Variants in MAP3K15 observed in about 807,000 individuals in gnomAD.
MAP3K15 encodes MAPK/ERK kinase kinase 15.
A neutral mutation model predicts 99.5 loss-of-function variants in MAP3K15; 124 were observed. That is an observed-to-expected ratio of 1.25 (90% CI 1.08 to 1.45). The LOEUF (loss-of-function observed/expected upper bound fraction) is 1.45, where lower values mean the gene tolerates loss of function less well. Among genes scored for constraint, MAP3K15 ranks in the 40% most tolerant of loss-of-function variants. The pLI, the probability that MAP3K15 is intolerant of heterozygous loss-of-function variation, is 0.00. For synonymous variants in MAP3K15, 494 were observed against 439.6 expected, an observed-to-expected ratio of 1.12 and a Z score of -1.55; for missense variants, 1,242 against 1,079.7, an observed-to-expected ratio of 1.15 and a Z score of -2.11.
chrX:19,368,068 A>G (rs1038171345), intron 25 of MAP3K15, among the ~76,000 whole-genome samples: 1 of 110,129 alleles, frequency 9.1e-6, no homozygotes, highest in African/African-American at 3.3e-5. Flanking sequence ...ACTTTTAAAA[A>G]CCAAATCACG....
At chrX:19,398,625 T>G (rs1468861718) in intron 14 of MAP3K15, among the ~76,000 whole-genome samples, 1 of 111,750 alleles carries the variant, frequency 8.9e-6, no homozygotes, top group Non-Finnish European at 1.9e-5. Context: ...TGGCTCACCT[T>G]TTGGAAATTC....
chrX:19,379,893 C>T (rs2063446371), intron 19 of MAP3K15, among the ~76,000 whole-genome samples: 1 of 110,799 alleles, frequency 9.0e-6, no homozygotes, highest in Non-Finnish European at 1.9e-5. Flanking sequence ...ACAGATGTCA[C>T]GGGTTGTGTC....
intron 9 of MAP3K15, among the ~76,000 whole-genome samples, chrX:19,420,761 G>T (rs1373582860): frequency 8.9e-6 from 1 of 111,856 alleles, no homozygotes; most frequent in African/African-American, 3.3e-5. Flanking sequence ...TATCCTTGAT[G>T]AACATCAATG....
intron 10 of MAP3K15, among the ~76,000 whole-genome samples, chrX:19,414,871 T>G (rs1398919111): frequency 1.8e-5 from 2 of 111,909 alleles, no homozygotes; most frequent in Non-Finnish European, 3.8e-5. Context: ...CATTACCAGA[T>G]GTACCTTAGG....
intron 6 of MAP3K15, among the ~76,000 whole-genome samples, chrX:19,439,542 C>T (rs2063945187): frequency 1.8e-5 from 2 of 111,539 alleles, no homozygotes; most frequent in South Asian, 7.6e-4. Context: ...CATAGCTCAA[C>T]CACAGCCTTC....
At position 19,454,148 on chromosome X, in the gene MAP3K15, C is replaced by T. The variant is rs755628663; in HGVS notation, c.995+2765G>A. On this transcript the variant is annotated intron_variant, in intron 6 of 28. Coordinates refer to ENST00000338883, the MANE Select transcript of MAP3K15 (RefSeq NM_001001671.4). The stretch of plus-strand genomic sequence containing the variant: ...AGTCAGTGCGTCACACATCCAACTG[C>T]CCTGCCACTTGCTGAGTAATTCAAA... Among the ~76,000 whole-genome samples the T allele has an allele frequency of 5.4e-5, 6 of 111,947 alleles. No individual in the cohort carries two copies. The South Asian group carries it at 2.3e-3, about 42-fold the overall frequency.
chrX:19,491,820 A>C (rs978880100), intron 1 of MAP3K15, among the ~76,000 whole-genome samples: 3 of 110,167 alleles, frequency 2.7e-5, no homozygotes, highest in Non-Finnish European at 5.7e-5. Flanking sequence ...AGTAGCTGGG[A>C]CTACAGGCAT....
chrX:19,445,806 G>A (rs1265249252), intron 6 of MAP3K15, among the ~76,000 whole-genome samples: 2 of 107,989 alleles, frequency 1.9e-5, no homozygotes, highest in African/African-American at 6.7e-5. Context: ...AATTAGCCAG[G>A]CGTGGTGTCA....
chrX:19,444,743 A>G lies in MAP3K15; in HGVS notation c.995+12170T>C, dbSNP rs114352403. Among the ~76,000 whole-genome samples the G allele has an allele frequency of 4.2e-3, 475 of 112,075 alleles. 3 individuals carry two copies. Among genetic ancestry groups the G allele is most frequent in the African/African-American group, 0.014 (423 of 30,853 alleles). ...AGGAAGACTCAGAAGCTCCTCAGAA[A>G]TTGATATTTCAAGAAAAACAGTTGA... On this transcript the variant is annotated intron_variant, in intron 6 of 28. Coordinates refer to ENST00000338883, the MANE Select transcript of MAP3K15 (RefSeq NM_001001671.4).
rs139189420 is a variant in MAP3K15, at chrX:19,435,838, C to T, written c.996-4230G>A. Among the ~76,000 whole-genome samples, 166 of 112,434 alleles carry T rather than the reference C, an allele frequency of 1.5e-3. 1 individual carries two copies. The highest frequency in any genetic ancestry group is 4.7e-3 in the African/African-American group (147 of 31,034). ...AGAGAAGGAAACTTTGACAGTGGGTCTGAATCTTGGCTGCATATTAGAATC... is the reference window on the plus strand; with the variant it reads ...AGAGAAGGAAACTTTGACAGTGGGTTTGAATCTTGGCTGCATATTAGAATC... On this transcript the variant is annotated intron_variant, in intron 6 of 28. Coordinates refer to ENST00000338883, the MANE Select transcript of MAP3K15 (RefSeq NM_001001671.4).
chrX:19,486,180 C>T (rs763536383), intron 3 of MAP3K15, among the ~76,000 whole-genome samples: 6 of 111,558 alleles, frequency 5.4e-5, no homozygotes, highest in African/African-American at 3.3e-5. Context: ...CATGGAACAT[C>T]GACCCAGATC....
intron 4 of MAP3K15, among the ~76,000 whole-genome samples, chrX:19,462,842 C>G (rs140666741): frequency 2.7e-5 from 3 of 112,228 alleles, no homozygotes; most frequent in African/African-American, 9.7e-5. Context: ...ACCACTTCCC[C>G]TCCTACTAAC....
intron 4 of MAP3K15, among the ~76,000 whole-genome samples, chrX:19,463,995 A>G (rs779708057): frequency 9.0e-6 from 1 of 111,391 alleles, no homozygotes; most frequent in South Asian, 3.8e-4. Context: ...GTCAAGATCA[A>G]ACAGGGAGTC....
chrX:19,380,145 C>T lies in MAP3K15; in HGVS notation c.2564G>A (p.Gly855Asp), dbSNP rs759141823. Residue 855 changes from glycine (G) to aspartate (D), a missense_variant, in exon 19 of 29, where the codon GGT (glycine) becomes GAT (aspartate). Physicochemically the swap from Gly to Asp is moderately conservative, Grantham distance 94 (BLOSUM62 -1). Transcript: ENST00000338883. ...TTTGAACATGGCTGCCTGCGGCTCA[C>T]CAAGCTCATGGAACGGAGGCTTGCT... ...ATSKPPFHEL[G>D]EPQAAMFKVG... The T allele has an allele frequency of 2.5e-6, 3 of 1,198,048 alleles. No individual in the cohort carries two copies. Among genetic ancestry groups the T allele is most frequent in the Non-Finnish European group, 3.4e-6 (3 of 889,672 alleles).
chrX:19,404,388 G>A (rs893301738), intron 13 of MAP3K15, among the ~76,000 whole-genome samples: 1 of 111,926 alleles, frequency 8.9e-6, no homozygotes, highest in South Asian at 3.7e-4. Context: ...TGTGTTCATG[G>A]ATTGGAAGCC....
chrX:19,442,963 A>T (rs1412893354), intron 6 of MAP3K15, among the ~76,000 whole-genome samples: 2 of 93,528 alleles, frequency 2.1e-5, no homozygotes, highest in Non-Finnish European at 4.1e-5. Context: ...ACCTCAAGTG[A>T]TCCACCTGCC....
intron 3 of MAP3K15, among the ~76,000 whole-genome samples, chrX:19,471,422 C>A (rs1253577042): frequency 9.0e-6 from 1 of 110,785 alleles, no homozygotes; most frequent in Non-Finnish European, 1.9e-5. Context: ...CACCACCACA[C>A]CAGCTAATTT....
At chrX:19,412,366 G>C (rs1316119748) in intron 11 of MAP3K15, among the ~76,000 whole-genome samples, 3 of 112,357 alleles carry the variant, frequency 2.7e-5, no homozygotes, top group African/African-American at 9.7e-5. Flanking sequence ...GGCATTCTTA[G>C]GATGTTCTTC....
intron 6 of MAP3K15, among the ~76,000 whole-genome samples, chrX:19,444,916 C>T (rs2063984434): frequency 9.0e-6 from 1 of 110,730 alleles, no homozygotes; most frequent in African/African-American, 3.3e-5. Context: ...TCTCCCTCTC[C>T]CCACTACCCC....
Sources: gnomAD v4.1 joint callset for allele counts (sites outside exome capture counted in the v4.1 genomes callset) on GRCh38, gnomAD v4.1.1 for gene constraint, MANE v1.5 for transcripts, NCBI Gene and HGNC (gene_info 2026-07-23, HGNC 2026-07-21) for gene names.